Variants in KIF26B observed in about 807,000 individuals in gnomAD.
KIF26B encodes the protein kinesin family member 26B, also known as kinesin-like protein KIF26B.
Under a neutral mutation model 151.2 loss-of-function variants are expected in KIF26B, and 63 were observed. The ratio of observed to expected loss-of-function variants is 0.42; its 90% CI spans 0.34 to 0.51. KIF26B has a LOEUF of 0.51. Ranked by LOEUF, KIF26B falls within the 20% of genes least tolerant of loss-of-function variation. KIF26B has a pLI of 0.07. For missense variants in KIF26B, 2,813 were observed against 2,913.6 expected (o/e 0.97, Z 0.79); for synonymous variants, 1,357 against 1,262.1 (o/e 1.08, Z -1.59).
intron 2 of KIF26B, among the ~76,000 whole-genome samples, chr1:245,275,638 G>A (rs1490039762): frequency 6.6e-6 from 1 of 152,130 alleles, no homozygotes; most frequent in East Asian, 1.9e-4. Flanking sequence ...TCAGATGGTT[G>A]TATACTTTTG....
intron 2 of KIF26B, among the ~76,000 whole-genome samples, chr1:245,264,481 T>C (rs936654004): frequency 3.9e-5 from 6 of 152,298 alleles, no homozygotes; most frequent in South Asian, 2.1e-4. Flanking sequence ...GAGTTCACTG[T>C]GATCTCTTCA....
chr1:245,177,190 C>T (rs750532944), intron 2 of KIF26B, among the ~76,000 whole-genome samples: 38 of 152,184 alleles, frequency 2.5e-4, no homozygotes, highest in Non-Finnish European at 3.7e-4. Context: ...CCTGGCCTCA[C>T]GCCTCCTGCC....
chr1:245,511,228 A>G, intron 4 of KIF26B: 1 of 683,002 alleles, frequency 1.5e-6, no homozygotes, highest in East Asian at 2.7e-5. Flanking sequence ...GAGAAAAGTA[A>G]AAATAAAATG....
At chr1:245,332,532 C>G (rs973313023) in intron 2 of KIF26B, among the ~76,000 whole-genome samples, 1 of 152,166 alleles carries the variant, frequency 6.6e-6, no homozygotes, top group African/African-American at 2.4e-5. Flanking sequence ...TTTGTCTGAT[C>G]TAACCTTTCT....
chr1:245,189,898 C>T lies in KIF26B; in HGVS notation c.465+33215C>T, dbSNP rs187778799. Among the ~76,000 whole-genome samples, 595 of 152,274 alleles carry T rather than the reference C, an allele frequency of 3.9e-3. 5 individuals carry two copies. The highest frequency in any genetic ancestry group is 5.8e-3 in the Non-Finnish European group (394 of 68,012). ...GTGAAAGTCACGTCTTACATGGTGG[C>T]AGACAAGAGAGAAAGAGAGTGAAGT... On this transcript the variant is annotated intron_variant, in intron 2 of 14. Coordinates refer to ENST00000407071, the MANE Select transcript of KIF26B (RefSeq NM_018012.4).
At chr1:245,599,490 T>G (rs929821136) in intron 5 of KIF26B, among the ~76,000 whole-genome samples, 1 of 152,216 alleles carries the variant, frequency 6.6e-6, no homozygotes, top group East Asian at 1.9e-4. Context: ...GACTCACTCA[T>G]TCAGCCCCTT....
At chr1:245,395,362 C>T (rs1173830) in intron 3 of KIF26B, among the ~76,000 whole-genome samples, 99,314 of 152,050 alleles carry the variant, frequency 0.65, 32,440 homozygotes, top group South Asian at 0.71. Context: ...CCCTTTCCTT[C>T]TCCAGAAACA....
intron 2 of KIF26B, among the ~76,000 whole-genome samples, chr1:245,277,230 G>A (rs1172714623): frequency 6.6e-6 from 1 of 152,202 alleles, no homozygotes; most frequent in East Asian, 1.9e-4. Flanking sequence ...CAGCAGGCTT[G>A]TGGTAATTTG....
At chr1:245,276,420 T>G (rs562302710) in intron 2 of KIF26B, among the ~76,000 whole-genome samples, 1 of 152,000 alleles carries the variant, frequency 6.6e-6, no homozygotes, top group African/African-American at 2.4e-5. Flanking sequence ...GAGTTAGGGG[T>G]TTTCTCCTGT....
At chr1:245,313,699 G>T (rs1434930018) in intron 2 of KIF26B, among the ~76,000 whole-genome samples, 1 of 152,174 alleles carries the variant, frequency 6.6e-6, no homozygotes, top group East Asian at 1.9e-4. Flanking sequence ...GAAGAAAGTC[G>T]CAGTGTTTAG....
intron 2 of KIF26B, among the ~76,000 whole-genome samples, chr1:245,164,774 A>G (rs1214480844): frequency 1.3e-5 from 2 of 152,200 alleles, no homozygotes; most frequent in African/African-American, 4.8e-5. Flanking sequence ...TCAGATATGC[A>G]TTTAAGAAAG....
chr1:245,169,563 C>T (rs761251158), intron 2 of KIF26B, among the ~76,000 whole-genome samples: 12 of 151,368 alleles, frequency 7.9e-5, no homozygotes, highest in African/African-American at 1.2e-4. Context: ...GCAGAGGAAG[C>T]GGTTGGCAGC....
intron 2 of KIF26B, among the ~76,000 whole-genome samples, chr1:245,271,324 T>G (rs1158275038): frequency 6.6e-6 from 1 of 152,214 alleles, no homozygotes; most frequent in Non-Finnish European, 1.5e-5. Flanking sequence ...GGAATTTCAT[T>G]AAATCTATGA....
At position 245,516,627 on chromosome 1, in the gene KIF26B, G is replaced by A. The variant is rs1217950565; in HGVS notation, c.1167-24140G>A. 1.3e-5 allele frequency among the ~76,000 whole-genome samples: 2 copies of A among 152,140 alleles called. No homozygotes were observed. Among genetic ancestry groups the A allele is most frequent in the Non-Finnish European group, 2.9e-5 (2 of 68,036 alleles). Reference sequence around the variant, plus strand: ...AATGAACCACCTGCTGTGTCTTGGTGGGGGTGGAGATGTGGGGTGAAGTAA... The same window carrying A: ...AATGAACCACCTGCTGTGTCTTGGTAGGGGTGGAGATGTGGGGTGAAGTAA... On this transcript the variant is annotated intron_variant, in intron 4 of 14. Transcript: ENST00000407071. The surrounding 1 kb of genome is among the most constrained non-coding windows in gnomAD (Gnocchi z 4.2).
At chr1:245,248,511 T>A (rs1670378060) in intron 2 of KIF26B, among the ~76,000 whole-genome samples, 1 of 152,196 alleles carries the variant, frequency 6.6e-6, no homozygotes, top group Admixed American at 6.5e-5. Flanking sequence ...CCTCACCAAA[T>A]CCACTAACTA....
chr1:245,233,266 A>C (rs763477887), intron 2 of KIF26B, among the ~76,000 whole-genome samples: 1 of 152,182 alleles, frequency 6.6e-6, no homozygotes, highest in Non-Finnish European at 1.5e-5. Context: ...GTTACTCCTT[A>C]AGTTATATCG....
chr1:245,571,607 C>G (rs1194992728), intron 5 of KIF26B, among the ~76,000 whole-genome samples: 3 of 152,212 alleles, frequency 2.0e-5, no homozygotes, highest in Non-Finnish European at 4.4e-5. Flanking sequence ...GTAACAGAAT[C>G]AATTAAGCCT....
chr1:245,233,375 A>G lies in KIF26B; in HGVS notation c.465+76692A>G, dbSNP rs114690048. Among the ~76,000 whole-genome samples the G allele has an allele frequency of 7.4e-4, 113 of 152,344 alleles. 1 individual carries two copies. The highest frequency in any genetic ancestry group is 2.5e-3 in the African/African-American group (105 of 41,586). Reference sequence around the variant, plus strand: ...ATGGCAAAACTTTATGCACAATTTCATATGTAAAGTGATTTTCTCTGTCCT... The same window carrying G: ...ATGGCAAAACTTTATGCACAATTTCGTATGTAAAGTGATTTTCTCTGTCCT... On this transcript the variant is annotated intron_variant, in intron 2 of 14. Transcript: ENST00000407071.
At chr1:245,175,058 T>C (rs1185359242) in intron 2 of KIF26B, among the ~76,000 whole-genome samples, 1 of 152,118 alleles carries the variant, frequency 6.6e-6, no homozygotes, top group African/African-American at 2.4e-5. Context: ...TGGGGGCCCA[T>C]TGCTCATTCC....
Sources: gnomAD v4.1 joint callset for allele counts (sites outside exome capture counted in the v4.1 genomes callset) on GRCh38, gnomAD v4.1.1 for gene constraint, Gnocchi (gnomAD v3.1) non-coding constraint, MANE v1.5 for transcripts, NCBI Gene and HGNC (gene_info 2026-07-23, HGNC 2026-07-21) for gene names.